Variants in MAML2 observed in about 807,000 individuals in gnomAD.
MAML2 encodes mastermind-like protein 2.
In MAML2, 22 loss-of-function variants were observed where a neutral mutation model predicts 96.1. The observed-to-expected ratio is 0.23, with a 90% CI of 0.16 to 0.33. MAML2 has a LOEUF of 0.33. Among genes scored for constraint, MAML2 ranks in the 10% least tolerant of loss-of-function variants. The pLI, the probability that MAML2 is intolerant of heterozygous loss-of-function variation, is 1.00. For missense variants in MAML2, 1,367 were observed against 1,392.4 expected, an observed-to-expected ratio of 0.98 and a Z score of 0.29; for synonymous variants, 561 against 521.3, an observed-to-expected ratio of 1.08 and a Z score of -1.04.
chr11:96,329,787 G>T (rs998251477), intron 1 of MAML2, among the ~76,000 whole-genome samples: 1 of 152,112 alleles, frequency 6.6e-6, no homozygotes, highest in African/African-American at 2.4e-5. Context: ...ATTATTTGTT[G>T]TGAAGGCTAA....
intron 1 of MAML2, among the ~76,000 whole-genome samples, chr11:96,214,350 A>C (rs1862017963): frequency 6.6e-6 from 1 of 152,204 alleles, no homozygotes. Context: ...AGCTCTGTAG[A>C]TCCAAGTTAC....
At chr11:96,319,938 G>A (rs1863679465) in intron 1 of MAML2, among the ~76,000 whole-genome samples, 1 of 152,182 alleles carries the variant, frequency 6.6e-6, no homozygotes, top group Non-Finnish European at 1.5e-5. Flanking sequence ...AGAAGGAGGT[G>A]GTTGAGATTT....
intron 2 of MAML2, among the ~76,000 whole-genome samples, chr11:96,014,818 C>T (rs1370447786): frequency 6.6e-6 from 1 of 151,982 alleles, no homozygotes; most frequent in Non-Finnish European, 1.5e-5. Context: ...GTGTAGATGG[C>T]ATGGAACATT....
intron 1 of MAML2, among the ~76,000 whole-genome samples, chr11:96,262,823 T>G (rs1467748504): frequency 6.6e-6 from 1 of 152,256 alleles, no homozygotes; most frequent in Non-Finnish European, 1.5e-5. Flanking sequence ...TAGATAAACA[T>G]GGCAAGTGCC....
rs1003633445 is a variant in MAML2 at position 96,226,982 on chromosome 11, G to T, written c.513+114401C>A. ...GTAAAAAATGTTACGTTCAATGGAGGAATATGAAACACAACAAAAGTGACA... is the reference window on the plus strand; with the variant it reads ...GTAAAAAATGTTACGTTCAATGGAGTAATATGAAACACAACAAAAGTGACA... On this transcript the variant is annotated intron_variant, in intron 1 of 4. Coordinates refer to ENST00000524717, the MANE Select transcript of MAML2 (RefSeq NM_032427.4). 5.9e-5 allele frequency among the ~76,000 whole-genome samples: 9 copies of T among 152,234 alleles called. No homozygotes were observed. In the East Asian group the frequency reaches 1.5e-3, roughly 26 times the overall value.
At chr11:96,003,636 A>G (rs1858132381) in intron 2 of MAML2, among the ~76,000 whole-genome samples, 1 of 152,184 alleles carries the variant, frequency 6.6e-6, no homozygotes, top group Admixed American at 6.5e-5. Context: ...TCTAAGTTGT[A>G]TAGGGGTAAT....
At position 96,093,288 on chromosome 11, in the gene MAML2, G is replaced by A. The variant is rs764624317; in HGVS notation, c.743C>T (p.Ser248Phe). 64 of 1,613,926 alleles carry A rather than the reference G, an allele frequency of 4.0e-5. No individual in the cohort carries two copies. The Admixed American group carries it at 6.2e-4, about 16-fold the overall frequency. Residue 248 changes from serine to phenylalanine, a missense_variant, in exon 2 of 5, where the codon TCC becomes TTC. By Grantham distance (155) the Ser-to-Phe change is radical (BLOSUM62 -2). Transcript: ENST00000524717. ...APLRKTNTLP[S>F]HTHSPGNGLF... ...GCCATTGCCAGGAGAATGTGTATGG[G>A]ATGGCAGAGTGTTAGTCTTTCGCAG...
chr11:96,239,446 G>A (rs1361188022), intron 1 of MAML2, among the ~76,000 whole-genome samples: 1 of 152,214 alleles, frequency 6.6e-6, no homozygotes, highest in Non-Finnish European at 1.5e-5. Flanking sequence ...CAGAGTAAAG[G>A]CAGATTCCTA....
intron 1 of MAML2, among the ~76,000 whole-genome samples, chr11:96,193,408 G>T (rs1244363975): frequency 6.6e-6 from 1 of 152,170 alleles, no homozygotes; most frequent in Non-Finnish European, 1.5e-5. Flanking sequence ...AATAGAAATT[G>T]TGTGGCATTG....
chr11:96,289,834 A>T (rs1257157323), intron 1 of MAML2, among the ~76,000 whole-genome samples: 2 of 144,466 alleles, frequency 1.4e-5, no homozygotes, highest in African/African-American at 2.5e-5. Context: ...GTTCTCTCTT[A>T]AAAAAAAATC....
chr11:96,317,518 C>A (rs1448864618), intron 1 of MAML2, among the ~76,000 whole-genome samples: 1 of 152,210 alleles, frequency 6.6e-6, no homozygotes, highest in African/African-American at 2.4e-5. Flanking sequence ...CTGTGCCTCC[C>A]TTTACCAAAA....
intron 1 of MAML2, among the ~76,000 whole-genome samples, chr11:96,157,277 G>A (rs1861024667): frequency 6.6e-6 from 1 of 152,228 alleles, no homozygotes; most frequent in South Asian, 2.1e-4. Context: ...TGTCCTACTT[G>A]ATGTTCTCAT....
chr11:96,180,068 G>A (rs1259728721), intron 1 of MAML2, among the ~76,000 whole-genome samples: 1 of 152,192 alleles, frequency 6.6e-6, no homozygotes, highest in African/African-American at 2.4e-5. Flanking sequence ...TAAGGTTTTG[G>A]ATCCCCTTCT....
intron 1 of MAML2, among the ~76,000 whole-genome samples, chr11:96,196,755 A>G (rs1338704825): frequency 2.0e-5 from 3 of 151,950 alleles, no homozygotes; most frequent in African/African-American, 7.3e-5. Flanking sequence ...AATTAAATGT[A>G]TTTTATTCTC....
Position 96,320,474 on chromosome 11 carries a change from C to T in MAML2, c.513+20909G>A, listed in dbSNP as rs1565283260. ...CACATTTTGCTGACTCTGGAAATGG[C>T]TCTGGCAGAACATCCACTCTCATCT... On this transcript the variant is annotated intron_variant, in intron 1 of 4. Transcript: ENST00000524717. Among the ~76,000 whole-genome samples the T allele has an allele frequency of 3.9e-5, 6 of 152,332 alleles. No individual in the cohort carries two copies. In the South Asian group the frequency reaches 1.0e-3, roughly 26 times the overall value.
intron 1 of MAML2, among the ~76,000 whole-genome samples, chr11:96,281,915 A>C (rs1466470683): frequency 6.6e-6 from 1 of 152,062 alleles, no homozygotes. Context: ...TGATCTACTG[A>C]GCAAACAAAC....
intron 2 of MAML2, among the ~76,000 whole-genome samples, chr11:96,078,551 T>C (rs1234649523): frequency 1.3e-5 from 2 of 152,230 alleles, no homozygotes; most frequent in East Asian, 3.9e-4. Context: ...AATTTCTAAC[T>C]AAATGAAAGG....
intron 1 of MAML2, among the ~76,000 whole-genome samples, chr11:96,178,046 C>G (rs1177397617): frequency 1.3e-5 from 2 of 148,988 alleles, no homozygotes; most frequent in Admixed American, 1.3e-4. Context: ...AAATAAATAT[C>G]ACAATTCATA....
intron 1 of MAML2, among the ~76,000 whole-genome samples, chr11:96,144,239 T>G (rs908530557): frequency 6.6e-6 from 1 of 152,208 alleles, no homozygotes; most frequent in Non-Finnish European, 1.5e-5. Flanking sequence ...CTGAGTAACA[T>G]TAATTAGAGT....
Sources: gnomAD v4.1 joint callset for allele counts (sites outside exome capture counted in the v4.1 genomes callset) on GRCh38, gnomAD v4.1.1 for gene constraint, MANE v1.5 for transcripts, NCBI Gene and HGNC (gene_info 2026-07-23, HGNC 2026-07-21) for gene names.